Variants in CTBP1 observed in about 807,000 individuals in gnomAD.
The protein encoded by CTBP1 is C-terminal binding protein 1.
A neutral mutation model predicts 42.1 loss-of-function variants in CTBP1; 11 were observed. That is an observed-to-expected ratio of 0.26 (90% CI 0.16 to 0.43). The LOEUF is 0.43. CTBP1 is among the 20% of genes least tolerant of loss of function. CTBP1 has a pLI of 1.00. For missense variants in CTBP1, 399 were observed against 624.3 expected, an observed-to-expected ratio of 0.64 and a Z score of 3.85; for synonymous variants, 324 against 277.1, an observed-to-expected ratio of 1.17 and a Z score of -1.68.
At chr4:1,248,687 A>G (rs112863928) in intron 1 of CTBP1, 25,552 of 980,824 alleles carry the variant, frequency 0.026, 389 homozygotes, top group Non-Finnish European at 0.028. Context: ...CGGGGAGAGC[A>G]GACTGCGGCG....
At chr4:1,234,850 T>C (rs1364824337) in intron 3 of CTBP1, 1 of 152,212 alleles carries the variant, frequency 6.6e-6, no homozygotes, top group East Asian at 1.9e-4. Context: ...GCCCCTTGCA[T>C]GCGTGTGGAC....
chr4:1,225,321 A>G lies in CTBP1; in HGVS notation c.514+39T>C, dbSNP rs1432675149. On this transcript the variant is annotated intron_variant, in intron 5 of 9. Coordinates refer to ENST00000382952, the MANE Select transcript of CTBP1 (RefSeq NM_001012614.2). ...CAGCTGAAGAGCGGCAGCGCCAGAC[A>G]CAGGGAGGGACACAGGCGTGGAGCT... 2.6e-6 allele frequency: 4 copies of G among 1,518,174 alleles called. No individual in the cohort carries two copies. The South Asian group carries it at 3.7e-5, about 14-fold the overall frequency. The allele number at this position is 1,518,174 out of a possible 1,614,324, so 94.0% of individuals were successfully genotyped here.
chr4:1,220,066 G>T (rs546296110), intron 5 of CTBP1, among the ~76,000 whole-genome samples: 2 of 152,246 alleles, frequency 1.3e-5, no homozygotes, highest in East Asian at 3.9e-4. Flanking sequence ...GCCAGGCATG[G>T]TGGCGTGTGC....
intron 5 of CTBP1, among the ~76,000 whole-genome samples, chr4:1,220,304 A>G (rs1729597643): frequency 6.6e-6 from 1 of 151,926 alleles, no homozygotes; most frequent in African/African-American, 2.4e-5. Flanking sequence ...AAAAAAAAAG[A>G]AAAAAAGAAT....
intron 1 of CTBP1, among the ~76,000 whole-genome samples, chr4:1,246,599 C>G (rs557375228): frequency 6.6e-6 from 1 of 152,240 alleles, no homozygotes; most frequent in Non-Finnish European, 1.5e-5. Flanking sequence ...GCCAGCCACA[C>G]GCCTCTTGGC....
At chr4:1,231,936 G>T (rs1446337801) in intron 3 of CTBP1, among the ~76,000 whole-genome samples, 2 of 152,278 alleles carry the variant, frequency 1.3e-5, no homozygotes, top group African/African-American at 4.8e-5. Flanking sequence ...TGAGAACCCA[G>T]GAGGCGCACC....
chr4:1,228,489 A>C, intron 3 of CTBP1, 146 bp from the exon 4 acceptor site: 1 of 1,027,076 alleles, frequency 9.7e-7, no homozygotes, highest in Non-Finnish European at 1.4e-6. Context: ...GGGAGAGGCT[A>C]CATGAAGGCT....
chr4:1,249,762 G>C, upstream of CTBP1: 1 of 342,574 alleles, frequency 2.9e-6, no homozygotes, highest in Non-Finnish European at 6.0e-6. Flanking sequence ...CCCGGCCCGG[G>C]AAGTTCAGGG....
At chr4:1,222,644 C>T (rs910709839) in intron 5 of CTBP1, among the ~76,000 whole-genome samples, 21 of 152,160 alleles carry the variant, frequency 1.4e-4, no homozygotes, top group Non-Finnish European at 5.9e-5. Context: ...GGGTCCTTAA[C>T]GAACGGGGTG....
chr4:1,215,564 G>A (rs1729017152), intron 6 of CTBP1: 3 of 252,868 alleles, frequency 1.2e-5, no homozygotes, highest in African/African-American at 4.5e-5. Context: ...GTCAGAGGCC[G>A]ACCTGAGCAC....
chr4:1,242,152 G>A lies in CTBP1; in HGVS notation c.-188-633C>T, dbSNP rs552271594. 1.1e-5 allele frequency: 11 copies of A among 985,428 alleles called. No individual in the cohort carries two copies. The South Asian group carries it at 2.3e-4, about 21-fold the overall frequency. 61.0% of individuals were successfully genotyped at this position (985,428 alleles called of 1,614,324 possible). On this transcript the variant is annotated intron_variant, in intron 1 of 9. Coordinates refer to ENST00000382952, the MANE Select transcript of CTBP1 (RefSeq NM_001012614.2). ...CTGACCGCTACGGCCAGGGCCTGGC[G>A]GGAAGCTGAGGGCACGAACCCCAGT...
chr4:1,236,917 C>T (rs879111450), intron 3 of CTBP1: 7 of 446,656 alleles, frequency 1.6e-5, no homozygotes, highest in African/African-American at 6.0e-5. Context: ...AGGGCAAACC[C>T]GGTGTCCACC....
At chr4:1,248,603 C>A in intron 1 of CTBP1, 1 of 857,988 alleles carries the variant, frequency 1.2e-6, no homozygotes, top group South Asian at 5.3e-5. Flanking sequence ...GGGCTGGGGT[C>A]GGTGGAGCTG....
upstream of CTBP1, chr4:1,249,559 G>T (rs1368344824): frequency 3.4e-5 from 7 of 207,922 alleles, no homozygotes; most frequent in South Asian, 1.4e-4. Flanking sequence ...CTCGCTTCTC[G>T]CCCCGCGGCC....
At chr4:1,243,299 G>A (rs1732381165) in intron 1 of CTBP1, 1 of 985,306 alleles carries the variant, frequency 1.0e-6, no homozygotes, top group Non-Finnish European at 1.2e-6. Flanking sequence ...TGGCCCTCCT[G>A]AAAGGACCCT....
At chr4:1,243,088 A>G (rs1732348366) in intron 1 of CTBP1, 1 of 985,418 alleles carries the variant, frequency 1.0e-6, no homozygotes, top group Non-Finnish European at 1.2e-6. Context: ...ATACTCATCA[A>G]TGCTACCCAC....
At position 1,212,945 on chromosome 4, in the gene CTBP1, G is replaced by A. The variant is rs1728699870; in HGVS notation, c.1074C>T (p.Val358=). Residue 358 remains valine, a synonymous_variant, in exon 9 of 10, where the codon GTC becomes GTT. Transcript: ENST00000382952. ...CAGCCCCATTGAGCTCAGGGTGCAC[G>A]ACGGCGGGGTCCATGCTGGCCCAGT... is the stretch of plus-strand genomic sequence containing the variant. ...ATHWASMDPA[V]VHPELNGAAY... is the part of the protein sequence containing the mutation. 2 of 1,613,818 alleles carry A rather than the reference G, an allele frequency of 1.2e-6. No homozygotes were observed. Among genetic ancestry groups the A allele is most frequent in the Non-Finnish European group, 1.7e-6 (2 of 1,179,992 alleles).
rs1007459286 is a variant in CTBP1, at chr4:1,232,054, A to G, written c.163-3711T>C. ...TTGGGAGGAGTCTTTGAATATATAA[A>G]CTTTTTCATTTACTTATTTTACAGA... On this transcript the variant is annotated intron_variant, in intron 3 of 9. Coordinates refer to ENST00000382952, the MANE Select transcript of CTBP1 (RefSeq NM_001012614.2). Among the ~76,000 whole-genome samples, 4 of 152,264 alleles carry G rather than the reference A, an allele frequency of 2.6e-5. No individual in the cohort carries two copies. The East Asian group carries it at 7.7e-4, about 29-fold the overall frequency.
chr4:1,238,827 C>T lies in CTBP1; in HGVS notation c.8-490G>A, dbSNP rs1042347718. Among the ~76,000 whole-genome samples, 2 of 151,804 alleles carry T rather than the reference C, an allele frequency of 1.3e-5. No individual in the cohort carries two copies. The highest frequency in any genetic ancestry group is 2.9e-5 in the Non-Finnish European group (2 of 67,960). The stretch of plus-strand genomic sequence containing the variant: ...GAGACCCCCCGAGACCCTCCCAGAC[C>T]GTCCGAGACCCCAGGGCAGCTCCAT... On this transcript the variant is annotated intron_variant, in intron 2 of 9. Transcript: ENST00000382952. The surrounding 1 kb of genome is among the most constrained non-coding windows in gnomAD (Gnocchi z 5.9).
Sources: gnomAD v4.1 joint callset for allele counts (sites outside exome capture counted in the v4.1 genomes callset) on GRCh38, gnomAD v4.1.1 for gene constraint, Gnocchi (gnomAD v3.1) non-coding constraint, MANE v1.5 for transcripts, NCBI Gene and HGNC (gene_info 2026-07-23, HGNC 2026-07-21) for gene names.